Variants in LIPM observed in about 807,000 individuals in gnomAD.
LIPM encodes the protein lipase family member M.
LIPM carries 42 observed loss-of-function variants against 42.4 expected under a neutral mutation model. The observed-to-expected ratio is 0.99, with a 90% CI of 0.77 to 1.28. The LOEUF (loss-of-function observed/expected upper bound fraction) is 1.28, where lower values mean the gene tolerates loss of function less well. LIPM is among the 50% of genes most tolerant of loss of function. LIPM has a pLI of 0.00. For synonymous variants in LIPM, 177 were observed against 173.3 expected, an observed-to-expected ratio of 1.02 and a Z score of -0.17; for missense variants, 524 against 520.1, an observed-to-expected ratio of 1.01 and a Z score of -0.07.
intron 8 of LIPM, 89 bp downstream of exon 8, chr10:88,817,985 G>T: frequency 9.8e-7 from 1 of 1,024,724 alleles, no homozygotes; most frequent in African/African-American, 1.6e-5. Context: ...CTAGATATGG[G>T]AATAAAATAT....
intron 8 of LIPM, among the ~76,000 whole-genome samples, chr10:88,819,376 A>T (rs1374303824): frequency 1.3e-5 from 2 of 152,050 alleles, no homozygotes; most frequent in African/African-American, 4.8e-5. Flanking sequence ...GTAAGATGAC[A>T]AAAAAAATTA....
At chr10:88,815,007 T>A (rs776300051) in intron 4 of LIPM, 81 bp from the exon 5 acceptor site, 15 of 1,268,690 alleles carry the variant, frequency 1.2e-5, no homozygotes, top group Non-Finnish European at 1.6e-5. Flanking sequence ...CTTATTGAAA[T>A]ATGTATTTAA....
chr10:88,810,069 T>C (rs1353837295), intron 2 of LIPM, among the ~76,000 whole-genome samples: 1 of 152,224 alleles, frequency 6.6e-6, no homozygotes, highest in Admixed American at 6.5e-5. Context: ...CATGTTTGTC[T>C]ATTGTCTGTC....
chr10:88,813,006 A>C (rs1843672128), intron 2 of LIPM, 91 bp from the exon 3 acceptor site: 1 of 1,093,310 alleles, frequency 9.1e-7, no homozygotes, highest in Non-Finnish European at 1.3e-6. Context: ...ATCTGAACAC[A>C]GGTTTGTTTG....
chr10:88,817,228 G>A (rs1843728219), intron 7 of LIPM, among the ~76,000 whole-genome samples: 1 of 152,172 alleles, frequency 6.6e-6, no homozygotes, highest in Non-Finnish European at 1.5e-5. Context: ...CAACAATACA[G>A]TCAAGTAGAA....
intron 8 of LIPM, among the ~76,000 whole-genome samples, chr10:88,818,791 A>G (rs1239982454): frequency 2.0e-5 from 3 of 152,122 alleles, no homozygotes; most frequent in Non-Finnish European, 2.9e-5. Context: ...GTGAACTCTC[A>G]ATCTCTGGTA....
intron 8 of LIPM, among the ~76,000 whole-genome samples, chr10:88,818,349 G>C (rs1372301457): frequency 1.3e-5 from 2 of 152,186 alleles, no homozygotes; most frequent in Non-Finnish European, 2.9e-5. Context: ...GAGGGAGGCT[G>C]CTTTAATTTT....
rs1232416191 is a variant in LIPM at position 88,813,079 on chromosome 10, A to G, written c.266-18A>G. Reference sequence around the variant, plus strand: ...GGGAGAGAACATTTCATACAGTTGAAATTTTCTCTTTTTGCAGGTTCCAGG... The same window carrying G: ...GGGAGAGAACATTTCATACAGTTGAGATTTTCTCTTTTTGCAGGTTCCAGG... On this transcript the variant is annotated intron_variant, in intron 2 of 8. Coordinates refer to ENST00000404743, the MANE Select transcript of LIPM (RefSeq NM_001128215.1). 6.4e-7 allele frequency: 1 copy of G among 1,557,418 alleles called. No homozygotes were observed. The highest frequency in any genetic ancestry group is 1.2e-5 in the South Asian group (1 of 85,296).
At chr10:88,813,588 C>A (rs748314599) in intron 3 of LIPM, among the ~76,000 whole-genome samples, 2 of 131,000 alleles carry the variant, frequency 1.5e-5, no homozygotes, top group Admixed American at 1.5e-4. Flanking sequence ...TGGGGAGGGG[C>A]GGGTAATAGT....
chr10:88,802,843 A>T lies in LIPM; in HGVS notation c.-54A>T, dbSNP rs1843543935. Reference sequence around the variant, plus strand: ...GTTTTTAAACCCACAAATTCTTCTTACTTTAGAATTAGTTGTTACATTGGC... The same window carrying T: ...GTTTTTAAACCCACAAATTCTTCTTTCTTTAGAATTAGTTGTTACATTGGC... On this transcript the variant is annotated 5_prime_UTR_variant, in exon 1 of 9. Coordinates refer to ENST00000404743, the MANE Select transcript of LIPM (RefSeq NM_001128215.1). 6 of 1,484,616 alleles carry T rather than the reference A, an allele frequency of 4.0e-6. No individual in the cohort carries two copies. Among genetic ancestry groups the T allele is most frequent in the Middle Eastern group, 1.7e-4 (1 of 5,786 alleles). The allele number at this position is 1,484,616 out of a possible 1,614,324, so 92.0% of individuals were successfully genotyped here. A position where few individuals can be genotyped will look rare whatever the true frequency, so the allele number is the denominator to read the frequency against.
chr10:88,808,628 T>G (rs1843617654), intron 2 of LIPM, among the ~76,000 whole-genome samples: 3 of 152,346 alleles, frequency 2.0e-5, no homozygotes, highest in South Asian at 2.1e-4. Flanking sequence ...ATACAGTGTT[T>G]GCTTTTCAAA....
rs983000238 is a variant in LIPM at position 88,802,842 on chromosome 10, T to C, written c.-55T>C. ...AGTTTTTAAACCCACAAATTCTTCT[T>C]ACTTTAGAATTAGTTGTTACATTGG... On this transcript the variant is annotated 5_prime_UTR_variant, in exon 1 of 9. Transcript: ENST00000404743. 2.7e-6 allele frequency: 4 copies of C among 1,483,222 alleles called. No homozygotes were observed. The African/African-American group carries it at 5.7e-5, about 21-fold the overall frequency. 91.9% of individuals were successfully genotyped at this position (1,483,222 alleles called of 1,614,324 possible).
In LIPM at chr10:88,814,165, C is replaced by A. The variant is rs115138703; in HGVS notation, c.465-365C>A. Among the ~76,000 whole-genome samples, 664 of 152,272 alleles carry A rather than the reference C, an allele frequency of 4.4e-3. 8 individuals are homozygous for A. The highest frequency in any genetic ancestry group is 0.016 in the African/African-American group (646 of 41,558). On this transcript the variant is annotated intron_variant, in intron 3 of 8. Coordinates refer to ENST00000404743, the MANE Select transcript of LIPM (RefSeq NM_001128215.1). The stretch of plus-strand genomic sequence containing the variant: ...CTTTTTATGGCTATCAGAGACGGAC[C>A]ACTTCAGCATCTTTACAACTATTCC...
At chr10:88,817,183 A>T (rs1207995310) in intron 7 of LIPM, among the ~76,000 whole-genome samples, 1 of 152,252 alleles carries the variant, frequency 6.6e-6, no homozygotes, top group African/African-American at 2.4e-5. Flanking sequence ...GTGGCTGGAG[A>T]TAATTATGTT....
At chr10:88,816,548 C>T (rs946103006) in intron 6 of LIPM, among the ~76,000 whole-genome samples, 1 of 152,054 alleles carries the variant, frequency 6.6e-6, no homozygotes, top group South Asian at 2.1e-4. Flanking sequence ...CTAGAGCCCT[C>T]ATCCTAAATA....
intron 1 of LIPM, among the ~76,000 whole-genome samples, chr10:88,806,571 AT>A (rs1267904084): frequency 6.6e-6 from 1 of 152,114 alleles, no homozygotes; most frequent in Non-Finnish European, 1.5e-5. Context: ...TTGTATATCA[AT>A]TTTTTGGGTT....
chr10:88,815,704 A>T (rs565207277), intron 6 of LIPM, among the ~76,000 whole-genome samples: 1 of 152,352 alleles, frequency 6.6e-6, no homozygotes, highest in Non-Finnish European at 1.5e-5. Context: ...GGCATTGCTG[A>T]TATTAAATCA....
chr10:88,813,934 T>G (rs1315234171), intron 3 of LIPM, among the ~76,000 whole-genome samples: 1 of 152,086 alleles, frequency 6.6e-6, no homozygotes, highest in Non-Finnish European at 1.5e-5. Flanking sequence ...GGGAAACCAC[T>G]CCCATGATTC....
intron 1 of LIPM, among the ~76,000 whole-genome samples, chr10:88,807,890 G>A (rs934091635): frequency 5.9e-5 from 9 of 152,154 alleles, no homozygotes; most frequent in Non-Finnish European, 1.2e-4. Flanking sequence ...GATGCACAAC[G>A]AGGTTTTGGA....
Sources: allele counts gnomAD v4.1 joint callset (sites outside exome capture counted in the v4.1 genomes callset), GRCh38; gene constraint gnomAD v4.1.1; transcripts MANE v1.5; gene names NCBI Gene and HGNC (gene_info 2026-07-23, HGNC 2026-07-21).